The following ERC2 variants were observed in gnomAD, a reference collection of about 807,000 sequenced individuals.
ERC2 encodes ERC protein 2.
In ERC2, 42 loss-of-function variants were observed where a neutral mutation model predicts 114.8. That is an observed-to-expected ratio of 0.37 (90% confidence interval 0.29 to 0.47). ERC2 has a LOEUF of 0.47. Among genes scored for constraint, ERC2 ranks in the 20% least tolerant of loss-of-function variants. ERC2 has a pLI of 0.99. For missense variants in ERC2, 939 were observed against 1,150.7 expected (o/e 0.82, Z 2.66); for synonymous variants, 454 against 425.5 (o/e 1.07, Z -0.82).
At chr3:55,546,699 G>C (rs1485961210) in intron 17 of ERC2, among the ~76,000 whole-genome samples, 1 of 152,194 alleles carries the variant, frequency 6.6e-6, no homozygotes, top group Admixed American at 6.5e-5. Flanking sequence ...ACTGAGGTTC[G>C]GTGAGGGTAG....
chr3:55,788,352 T>A (rs2069682493), intron 14 of ERC2, among the ~76,000 whole-genome samples: 1 of 152,038 alleles, frequency 6.6e-6, no homozygotes, highest in African/African-American at 2.4e-5. Context: ...GTATCTCGAG[T>A]CCTGGCCATG....
intron 4 of ERC2, among the ~76,000 whole-genome samples, chr3:56,170,121 G>A (rs941985134): frequency 1.3e-5 from 2 of 152,214 alleles, no homozygotes; most frequent in African/African-American, 4.8e-5. Flanking sequence ...TGCAAACTTG[G>A]AACATACCTG....
At chr3:55,935,935 TCAAA>T (rs1258867084) in intron 13 of ERC2, among the ~76,000 whole-genome samples, 1 of 152,228 alleles carries the variant, frequency 6.6e-6, no homozygotes, top group Non-Finnish European at 1.5e-5. Context: ...AAATCTCTGT[TCAAA>T]CAAACTTCAT....
chr3:55,851,967 T>A lies in ERC2; in HGVS notation c.2564+36422A>T, dbSNP rs13326056. ...GCCGGGTACAGCGGCTCACGCCTGT[T>A]ACCCCAGCACTTTGGGAGGCCAGGC... On this transcript the variant is annotated intron_variant, in intron 14 of 17. Coordinates refer to ENST00000288221, the MANE Select transcript of ERC2 (RefSeq NM_015576.3). Among the ~76,000 whole-genome samples the A allele has an allele frequency of 8.5e-3, 1,291 of 152,316 alleles. 23 individuals carry two copies. Among genetic ancestry groups the A allele is most frequent in the African/African-American group, 0.03 (1,233 of 41,558 alleles).
Position 56,348,868 on chromosome 3 carries a change from A to G in ERC2, c.658-52433T>C, listed in dbSNP as rs73832599. 7.4e-4 allele frequency among the ~76,000 whole-genome samples: 84 copies of G among 113,980 alleles called. 2 individuals carry two copies. Among genetic ancestry groups the G allele is most frequent in the African/African-American group, 2.1e-3 (55 of 25,922 alleles). The allele number at this position is 113,980 out of a possible 152,430, so 74.8% of individuals were successfully genotyped here. On this transcript the variant is annotated intron_variant, in intron 2 of 17. Coordinates refer to ENST00000288221, the MANE Select transcript of ERC2 (RefSeq NM_015576.3). Reference sequence around the variant, plus strand: ...TTCTAAGATACCACCAAAATGAAAGAAAGGAAGGAAGGAAGGAAGGAAGGA... The same window carrying G: ...TTCTAAGATACCACCAAAATGAAAGGAAGGAAGGAAGGAAGGAAGGAAGGA...
intron 2 of ERC2, among the ~76,000 whole-genome samples, chr3:56,399,430 T>C (rs769638798): frequency 2.0e-5 from 3 of 152,324 alleles, no homozygotes; most frequent in Non-Finnish European, 2.9e-5. Flanking sequence ...TAGTTGATAA[T>C]GTCAATGTCG....
chr3:55,882,293 G>A (rs965118151), intron 14 of ERC2, among the ~76,000 whole-genome samples: 3 of 152,194 alleles, frequency 2.0e-5, no homozygotes, highest in East Asian at 3.8e-4. Context: ...GAAGCAGCCT[G>A]AGGCCCTCAC....
chr3:56,174,458 C>G (rs13098091), intron 3 of ERC2, among the ~76,000 whole-genome samples: 1 of 152,000 alleles, frequency 6.6e-6, no homozygotes, highest in Non-Finnish European at 1.5e-5. Context: ...TTCAGGTCAC[C>G]TATGGAATAA....
intron 17 of ERC2, among the ~76,000 whole-genome samples, chr3:55,599,033 G>A (rs1208062827): frequency 6.6e-6 from 1 of 152,216 alleles, no homozygotes; most frequent in Non-Finnish European, 1.5e-5. Flanking sequence ...ATTTATCATG[G>A]AAGACAGGAG....
At chr3:56,280,203 T>TTTAGAAG (rs1298913796) in intron 3 of ERC2, among the ~76,000 whole-genome samples, 7 of 152,052 alleles carry the variant, frequency 4.6e-5, no homozygotes, top group African/African-American at 1.7e-4. Flanking sequence ...GCAGCTGGCC[T>TTTAGAAG]TTAGAAGCTG....
At chr3:55,903,678 C>T (rs2064267428) in intron 13 of ERC2, among the ~76,000 whole-genome samples, 1 of 152,174 alleles carries the variant, frequency 6.6e-6, no homozygotes, top group Admixed American at 6.5e-5. Context: ...TTAAAGGCAC[C>T]TCTATCTGGG....
Position 56,324,974 on chromosome 3 carries a change from C to T in ERC2, c.658-28539G>A, listed in dbSNP as rs180757720. ...AGTTCTTTGTTCAAATGTTACTTCT[C>T]CAGGGCAGTCTTCCTGGACCACTCT... On this transcript the variant is annotated intron_variant, in intron 2 of 17. Transcript: ENST00000288221. Among the ~76,000 whole-genome samples the T allele has an allele frequency of 2.0e-3, 308 of 151,952 alleles. 5 individuals carry two copies. The highest frequency in any genetic ancestry group is 5.4e-3 in the South Asian group (26 of 4,806).
At chr3:56,264,307 A>G (rs992947463) in intron 3 of ERC2, among the ~76,000 whole-genome samples, 3 of 152,180 alleles carry the variant, frequency 2.0e-5, no homozygotes, top group Non-Finnish European at 2.9e-5. Context: ...AGCAAGATCA[A>G]TAAGGCAGGC....
chr3:56,223,549 A>G (rs1331687032), intron 3 of ERC2, among the ~76,000 whole-genome samples: 1 of 149,544 alleles, frequency 6.7e-6, no homozygotes, highest in Non-Finnish European at 1.5e-5. Flanking sequence ...AATGACAACC[A>G]TTTTAAGTCT....
chr3:55,817,329 G>A (rs1256439855), intron 14 of ERC2, among the ~76,000 whole-genome samples: 2 of 152,166 alleles, frequency 1.3e-5, no homozygotes, highest in African/African-American at 4.8e-5. Flanking sequence ...ACGTGCACAG[G>A]TTCAGGAAAC....
chr3:55,984,971 G>A (rs1475372027), intron 12 of ERC2, among the ~76,000 whole-genome samples: 2 of 152,158 alleles, frequency 1.3e-5, no homozygotes, highest in Admixed American at 6.5e-5. Flanking sequence ...TTTGGGTGAT[G>A]GGGCAGAATA....
chr3:55,900,940 A>G (rs2064102689), intron 13 of ERC2, among the ~76,000 whole-genome samples: 1 of 152,192 alleles, frequency 6.6e-6, no homozygotes, highest in African/African-American at 2.4e-5. Context: ...AGGGTAAAGG[A>G]TTTTCAAGTG....
At chr3:56,138,368 G>A (rs1439314338) in intron 6 of ERC2, among the ~76,000 whole-genome samples, 1 of 152,140 alleles carries the variant, frequency 6.6e-6, no homozygotes, top group African/African-American at 2.4e-5. Flanking sequence ...CCTGAAAATG[G>A]TATTTTTTAA....
At chr3:55,817,191 G>T (rs1280500006) in intron 14 of ERC2, among the ~76,000 whole-genome samples, 1 of 152,138 alleles carries the variant, frequency 6.6e-6, no homozygotes, top group Non-Finnish European at 1.5e-5. Flanking sequence ...TCCCCATTTT[G>T]CTCCCAAGTG....
Sources: gnomAD v4.1 joint callset for allele counts (sites outside exome capture counted in the v4.1 genomes callset) on GRCh38, gnomAD v4.1.1 for gene constraint, MANE v1.5 for transcripts, NCBI Gene and HGNC (gene_info 2026-07-23, HGNC 2026-07-21) for gene names.